The following MYLK4 variants were observed in gnomAD, a reference collection of about 807,000 sequenced individuals.
The protein encoded by MYLK4 is myosin light chain kinase family member 4, also known as caMLCK like.
Under a neutral mutation model 48.1 loss-of-function variants are expected in MYLK4, and 46 were observed. That is an observed-to-expected ratio of 0.96 (90% CI 0.75 to 1.22). The LOEUF (loss-of-function observed/expected upper bound fraction) is 1.22. Ranked by LOEUF, MYLK4 falls within the 50% of genes most tolerant of loss-of-function variation. MYLK4 has a pLI of 0.00. For missense variants in MYLK4, 451 were observed against 486.1 expected, an observed-to-expected ratio of 0.93 and a Z score of 0.68; for synonymous variants, 170 against 180.8, an observed-to-expected ratio of 0.94 and a Z score of 0.48.
intron 6 of MYLK4, among the ~76,000 whole-genome samples, chr6:2,684,024 A>G (rs1761431566): frequency 6.6e-6 from 1 of 152,236 alleles, no homozygotes; most frequent in African/African-American, 2.4e-5. Context: ...TCCTATAGAC[A>G]TATAACTCCG....
chr6:2,706,165 A>G (rs1358551810), intron 2 of MYLK4, among the ~76,000 whole-genome samples: 1 of 152,090 alleles, frequency 6.6e-6, no homozygotes, highest in Non-Finnish European at 1.5e-5. Context: ...ATCACAATGC[A>G]TTTTTCAAAG....
Position 2,678,233 on chromosome 6 carries a change from T to C in MYLK4, c.1027A>G (p.Ile343Val). The C allele has an allele frequency of 6.2e-7, 1 of 1,614,088 alleles. No individual in the cohort carries two copies. The highest frequency in any genetic ancestry group is 1.1e-5 in the South Asian group (1 of 91,080). Residue 343 changes from isoleucine to valine, a missense_variant, in exon 10 of 13, where the codon ATT becomes GTT. Transcript: ENST00000274643. ...AACTTGCGTTACCTCTTCTCCTTAATCAGAAGCTTAGAGATGAACTCCTTG... is the reference window on the plus strand; with the variant it reads ...AACTTGCGTTACCTCTTCTCCTTAACCAGAAGCTTAGAGATGAACTCCTTG... ...EAKEFISKLLIKEKSWRISAS... is the reference protein window; with the variant it reads ...EAKEFISKLLVKEKSWRISAS...
rs976712402 is a variant in MYLK4 at position 2,674,880 on chromosome 6, T to A, written c.1119+167A>T. 4.2e-4 allele frequency among the ~76,000 whole-genome samples: 64 copies of A among 152,016 alleles called. 1 individual carries two copies. The highest frequency in any genetic ancestry group is 4.1e-4 in the South Asian group (2 of 4,820). The stretch of plus-strand genomic sequence containing the variant: ...GAGTGAAATTTTGCCTCAAAAAAAA[T>A]TTTTTTTAAAAAAGCATTTTAAGTA... On this transcript the variant is annotated intron_variant, in intron 11 of 12. Transcript: ENST00000274643.
In MYLK4 at chr6:2,750,857, C is replaced by G. The variant is rs1764269056; in HGVS notation, c.-234G>C. ...TGAAAGTCTCTGGTAAAAGTTTTGA[C>G]TCTCAGTCGTATAAATCTTCTGAAA... On this transcript the variant is annotated 5_prime_UTR_variant, in exon 1 of 13. Transcript: ENST00000274643. 1 of 152,670 alleles carries G rather than the reference C, an allele frequency of 6.6e-6. No homozygotes were observed. Among genetic ancestry groups the G allele is most frequent in the African/African-American group, 2.4e-5 (1 of 41,464 alleles). 9.5% of individuals were successfully genotyped at this position (152,670 alleles called of 1,614,324 possible).
the MYLK4 span, among the ~76,000 whole-genome samples, chr6:2,756,073 C>T: frequency 6.6e-6 from 1 of 152,054 alleles, no homozygotes; most frequent in Non-Finnish European, 1.5e-5. Context: ...GTATCATGTT[C>T]CCCAACAATG....
At chr6:2,720,619 CTA>C (rs760806127) in intron 2 of MYLK4, among the ~76,000 whole-genome samples, 1 of 152,008 alleles carries the variant, frequency 6.6e-6, no homozygotes, top group African/African-American at 2.4e-5. Context: ...TGTATTAAAT[CTA>C]TGTCACAAGA....
the MYLK4 span, among the ~76,000 whole-genome samples, chr6:2,762,221 A>C: frequency 5.9e-5 from 9 of 151,946 alleles, no homozygotes; most frequent in African/African-American, 2.2e-4. Context: ...CTTAATTTTT[A>C]CTCCCATAGT....
chr6:2,719,601 T>C (rs1649176246), intron 2 of MYLK4, among the ~76,000 whole-genome samples: 1 of 152,228 alleles, frequency 6.6e-6, no homozygotes, highest in Admixed American at 6.5e-5. Flanking sequence ...TTATTAATTA[T>C]AAATGGCATG....
the MYLK4 span, among the ~76,000 whole-genome samples, chr6:2,759,752 T>C: frequency 6.6e-6 from 1 of 152,236 alleles, no homozygotes; most frequent in Non-Finnish European, 1.5e-5. Flanking sequence ...AACATGATAA[T>C]GGTGCTGGTT....
intron 6 of MYLK4, among the ~76,000 whole-genome samples, chr6:2,683,422 T>C (rs558037552): frequency 6.9e-6 from 1 of 144,892 alleles, no homozygotes; most frequent in East Asian, 2.1e-4. Flanking sequence ...TGTGTGTGTG[T>C]GTGTGTGTGT....
At chr6:2,766,935 GTATT>G in the MYLK4 span, among the ~76,000 whole-genome samples, 6 of 152,046 alleles carry the variant, frequency 3.9e-5, no homozygotes, top group Admixed American at 6.5e-5. Context: ...TAACAGACTG[GTATT>G]TATTCTTAAG....
Position 2,729,973 on chromosome 6 carries a change from C to T in MYLK4, c.159+19163G>A, listed in dbSNP as rs558930923. On this transcript the variant is annotated intron_variant, in intron 2 of 12. Coordinates refer to ENST00000274643, the MANE Select transcript of MYLK4 (RefSeq NM_001012418.5). ...TGGATTTTCTCCCTAAAGCACATCG[C>T]CTTACTGAAAAACTCACTATACTTC... Among the ~76,000 whole-genome samples the T allele has an allele frequency of 2.7e-3, 404 of 152,352 alleles. 1 individual carries two copies. The highest frequency in any genetic ancestry group is 4.0e-3 in the Non-Finnish European group (274 of 68,032).
rs151213684 is a variant in MYLK4, at chr6:2,736,938, C to T, written c.159+12198G>A. ...CTGCATCAGGTGTAAAGTAGCCATC[C>T]ATCACCTGGCTCTCATGACATACTG... On this transcript the variant is annotated intron_variant, in intron 2 of 12. Coordinates refer to ENST00000274643, the MANE Select transcript of MYLK4 (RefSeq NM_001012418.5). Among the ~76,000 whole-genome samples the T allele has an allele frequency of 3.2e-3, 485 of 152,358 alleles. 6 individuals are homozygous for T. The highest frequency in any genetic ancestry group is 0.011 in the African/African-American group (467 of 41,580).
At chr6:2,768,712 G>A in the MYLK4 span, 5 of 1,611,438 alleles carry the variant, frequency 3.1e-6, no homozygotes, top group Non-Finnish European at 4.2e-6. Flanking sequence ...TCACATCATA[G>A]CCAGCAACAG....
Position 2,672,472 on chromosome 6 carries a change from T to C in MYLK4, c.1120-1124A>G, listed in dbSNP as rs1003908424. Among the ~76,000 whole-genome samples the C allele has an allele frequency of 6.6e-6, 1 of 152,134 alleles. No homozygotes were observed. The highest frequency in any genetic ancestry group is 1.5e-5 in the Non-Finnish European group (1 of 68,034). On this transcript the variant is annotated intron_variant, in intron 11 of 12. Transcript: ENST00000274643. This position sits in a 1 kb window ranked among gnomAD's most constrained non-coding sequence, Gnocchi z 4.3. ...GACAGTCAATATGCTACTCAAGTGGTTACAAAATAGTAAGTGCTTTTAAGC... is the reference window on the plus strand; with the variant it reads ...GACAGTCAATATGCTACTCAAGTGGCTACAAAATAGTAAGTGCTTTTAAGC...
At chr6:2,694,504 T>C (rs62389609) in intron 2 of MYLK4, among the ~76,000 whole-genome samples, 1,774 of 32,920 alleles carry the variant, frequency 0.054, 239 homozygotes, top group Non-Finnish European at 0.088. Context: ...GTGGTGGTGG[T>C]GGTGGTGGCG....
At chr6:2,690,821 A>AT (rs1561842811) in intron 3 of MYLK4, among the ~76,000 whole-genome samples, 2 of 127,810 alleles carry the variant, frequency 1.6e-5, no homozygotes, top group African/African-American at 3.2e-5. Flanking sequence ...ATCTCTCTGA[A>AT]TCTTTTTTTT....
At chr6:2,759,627 A>G in the MYLK4 span, among the ~76,000 whole-genome samples, 1 of 152,296 alleles carries the variant, frequency 6.6e-6, no homozygotes, top group South Asian at 2.1e-4. Context: ...CTTCTGCTAA[A>G]TAAATAGATG....
At chr6:2,668,037 AAAG>A (rs1760728802) in intron 12 of MYLK4, 138 bp from the exon 13 acceptor site, 1 of 152,528 alleles carries the variant, frequency 6.6e-6, no homozygotes, top group Non-Finnish European at 1.5e-5. Context: ...GGGAAAAAAA[AAAG>A]AAACCTCTTG....
Sources: allele counts gnomAD v4.1 joint callset (sites outside exome capture counted in the v4.1 genomes callset), GRCh38; gene constraint gnomAD v4.1.1; non-coding constraint Gnocchi (gnomAD v3.1); transcripts MANE v1.5; gene names NCBI Gene and HGNC (gene_info 2026-07-23, HGNC 2026-07-21).